The following CDRT4 variants were observed in gnomAD, a reference collection of about 807,000 sequenced individuals.
CDRT4 encodes the protein CMT1A duplicated region transcript 4, also known as CMT1A duplicated region transcript 4 protein.
For synonymous variants in CDRT4, 64 were observed against 69.6 expected, an observed-to-expected ratio of 0.92 and a Z score of 0.40; for missense variants, 167 against 193.1, an observed-to-expected ratio of 0.87 and a Z score of 0.80.
intron 2 of CDRT4, among the ~76,000 whole-genome samples, chr17:15,445,015 T>G (rs1445939428): frequency 6.6e-6 from 1 of 152,200 alleles, no homozygotes; most frequent in African/African-American, 2.4e-5. Context: ...GCAAGCTGCA[T>G]CCTTATCTCA....
intron 2 of CDRT4, among the ~76,000 whole-genome samples, chr17:15,448,846 C>T (rs559036345): frequency 6.6e-6 from 1 of 152,326 alleles, no homozygotes; most frequent in East Asian, 1.9e-4. Flanking sequence ...ACACTGTCCT[C>T]CTTTGCGCTG....
intron 1 of CDRT4, among the ~76,000 whole-genome samples, chr17:15,463,068 G>A (rs1288958225): frequency 6.6e-6 from 1 of 152,136 alleles, no homozygotes; most frequent in Non-Finnish European, 1.5e-5. Flanking sequence ...GGAGGGAAAT[G>A]AAGATTGTCG....
At chr17:15,455,014 T>G (rs1979425241) in intron 1 of CDRT4, among the ~76,000 whole-genome samples, 1 of 152,136 alleles carries the variant, frequency 6.6e-6, no homozygotes, top group South Asian at 2.1e-4. Flanking sequence ...GACTGGGGGT[T>G]CATTCTGGAA....
chr17:15,446,361 G>T (rs1453645435), intron 2 of CDRT4, among the ~76,000 whole-genome samples: 1 of 152,066 alleles, frequency 6.6e-6, no homozygotes, highest in Non-Finnish European at 1.5e-5. Context: ...GTTCTGCGGG[G>T]TGCACACAAG....
chr17:15,458,275 T>C (rs1385367781), intron 1 of CDRT4, among the ~76,000 whole-genome samples: 1 of 152,206 alleles, frequency 6.6e-6, no homozygotes, highest in Non-Finnish European at 1.5e-5. Context: ...GGAAAGACAC[T>C]GCCCCTTAAA....
intron 3 of CDRT4, among the ~76,000 whole-genome samples, chr17:15,438,797 A>G (rs1194230487): frequency 6.6e-6 from 1 of 152,232 alleles, no homozygotes; most frequent in Non-Finnish European, 1.5e-5. Context: ...TATGTCTCCC[A>G]GCCTAAACTC....
At position 15,456,563 on chromosome 17, in the gene CDRT4, T is replaced by TACACACAC. The variant is rs3029212; in HGVS notation, c.-129-3486_-129-3479dup. ...AGGAAGATTGCCGCTAATCTTCCTT[T>TACACACAC]ACACACACACACACACACACACACA... On this transcript the variant is annotated intron_variant, in intron 1 of 3. Coordinates refer to ENST00000619038, the MANE Select transcript of CDRT4 (RefSeq NM_001204477.2). Among the ~76,000 whole-genome samples, 883 of 145,700 alleles carry TACACACAC rather than the reference T, an allele frequency of 6.1e-3. 14 individuals are homozygous for TACACACAC. The highest frequency in any genetic ancestry group is 0.021 in the African/African-American group (831 of 39,150).
At chr17:15,443,728 C>T (rs1317556574) in intron 2 of CDRT4, 1 of 474,442 alleles carries the variant, frequency 2.1e-6, no homozygotes, top group Non-Finnish European at 4.0e-6. Flanking sequence ...TGAAGGGCCC[C>T]AGAGGGACTT....
At chr17:15,457,211 T>C (rs1302598140) in intron 1 of CDRT4, among the ~76,000 whole-genome samples, 1 of 152,220 alleles carries the variant, frequency 6.6e-6, no homozygotes, top group Non-Finnish European at 1.5e-5. Flanking sequence ...AAATGGAATG[T>C]ACTGAAGTTT....
intron 1 of CDRT4, among the ~76,000 whole-genome samples, chr17:15,461,627 A>G (rs139877856): frequency 6.6e-6 from 1 of 152,316 alleles, no homozygotes; most frequent in East Asian, 1.9e-4. Flanking sequence ...CATCTCTAAC[A>G]GGTCTCCAGG....
intron 3 of CDRT4, 99 bp from the exon 4 acceptor site, chr17:15,438,299 C>A (rs1429833791): frequency 1.7e-6 from 2 of 1,204,696 alleles, no homozygotes; most frequent in Non-Finnish European, 2.3e-6. Context: ...TTTTGAAGTC[C>A]TCCCTATTTT....
intron 1 of CDRT4, among the ~76,000 whole-genome samples, chr17:15,456,017 C>T (rs79331205): frequency 0.014 from 2,184 of 152,226 alleles, 46 homozygotes; most frequent in African/African-American, 0.05. Flanking sequence ...CCCTAGCAGA[C>T]CTATCAAGGA....
At chr17:15,456,369 A>G (rs1173966897) in intron 1 of CDRT4, among the ~76,000 whole-genome samples, 1 of 152,180 alleles carries the variant, frequency 6.6e-6, no homozygotes, top group Admixed American at 6.5e-5. Context: ...GGAGAGGTAT[A>G]GAGATCTGAC....
intron 2 of CDRT4, among the ~76,000 whole-genome samples, chr17:15,447,642 G>A (rs1170006875): frequency 1.3e-5 from 2 of 152,074 alleles, no homozygotes; most frequent in African/African-American, 4.8e-5. Context: ...TTTATCCAAG[G>A]AATATTCAAT....
intron 1 of CDRT4, among the ~76,000 whole-genome samples, chr17:15,460,916 G>T (rs1416681627): frequency 2.0e-5 from 3 of 150,498 alleles, no homozygotes; most frequent in Non-Finnish European, 4.4e-5. Context: ...CAGCCACAGT[G>T]TCCTCCTGTC....
At chr17:15,448,198 G>GT (rs1406054812) in intron 2 of CDRT4, among the ~76,000 whole-genome samples, 10 of 152,184 alleles carry the variant, frequency 6.6e-5, no homozygotes, top group Non-Finnish European at 1.0e-4. Flanking sequence ...ATCCAGGCCA[G>GT]TGTTGTTTTG....
chr17:15,461,824 G>C (rs547993848), intron 1 of CDRT4, among the ~76,000 whole-genome samples: 1 of 152,294 alleles, frequency 6.6e-6, no homozygotes, highest in East Asian at 1.9e-4. Context: ...GGAGGAGCTG[G>C]AACCTAGGTT....
rs140802264 is a variant in CDRT4 at position 15,451,735 on chromosome 17, CCT to C, written c.-48+1267_-48+1268del. On this transcript the variant is annotated intron_variant, in intron 2 of 3. Transcript: ENST00000619038. Reference sequence around the variant, plus strand: ...TTCCTGCTTAGAAGTCAGGATTCAGCCTAAATGTCAACTCCTCAGCCTTCCCT... The same window carrying C: ...TTCCTGCTTAGAAGTCAGGATTCAGCAAATGTCAACTCCTCAGCCTTCCCT... Among the ~76,000 whole-genome samples, 846 of 152,312 alleles carry C rather than the reference CCT, an allele frequency of 5.6e-3. 4 individuals are homozygous for C. The highest frequency in any genetic ancestry group is 0.02 in the African/African-American group (812 of 41,542).
chr17:15,443,349 AGCTCACCGCAGCCTTGAACTCCTGG>A (rs1331799029), intron 2 of CDRT4, among the ~76,000 whole-genome samples: 2 of 149,086 alleles, frequency 1.3e-5, no homozygotes, highest in African/African-American at 5.0e-5. Flanking sequence ...GCACGATCGT[AGCTCACCGCAGCCTTGAACTCCTGG>A]GCTCAAGCAA....
Sources: allele counts gnomAD v4.1 joint callset (sites outside exome capture counted in the v4.1 genomes callset), GRCh38; gene constraint gnomAD v4.1.1; transcripts MANE v1.5; gene names NCBI Gene and HGNC (gene_info 2026-07-23, HGNC 2026-07-21).